Variants in PTPRQ observed in about 807,000 individuals in gnomAD.
PTPRQ encodes phosphatidylinositol phosphatase PTPRQ.
PTPRQ carries 199 observed loss-of-function variants against 246.0 expected under a neutral mutation model. The observed-to-expected ratio is 0.81, with a 90% CI of 0.72 to 0.91. The LOEUF (loss-of-function observed/expected upper bound fraction) is 0.91. Among genes scored for constraint, PTPRQ ranks in the 40% least tolerant of loss-of-function variants. PTPRQ has a pLI of 0.00. For synonymous variants in PTPRQ, 869 were observed against 853.2 expected, an observed-to-expected ratio of 1.02 and a Z score of -0.32; for missense variants, 2,624 against 2,528.4, an observed-to-expected ratio of 1.04 and a Z score of -0.81.
intron 26 of PTPRQ, among the ~76,000 whole-genome samples, chr12:80,599,543 C>A (rs1270487729): frequency 6.6e-6 from 1 of 151,832 alleles, no homozygotes; most frequent in Non-Finnish European, 1.5e-5. Context: ...AGCTGACATT[C>A]ATAAATGTAA....
At chr12:80,489,448 C>A (rs1894377695) in intron 9 of PTPRQ, among the ~76,000 whole-genome samples, 1 of 151,908 alleles carries the variant, frequency 6.6e-6, no homozygotes, top group Non-Finnish European at 1.5e-5. Flanking sequence ...AAAATGTTAG[C>A]CTTTGCAGTA....
intron 26 of PTPRQ, among the ~76,000 whole-genome samples, chr12:80,597,448 C>A (rs1337890961): frequency 6.6e-6 from 1 of 151,974 alleles, no homozygotes; most frequent in Non-Finnish European, 1.5e-5. Context: ...GAACCCTCTT[C>A]ATAGTTTATC....
chr12:80,508,250 T>C (rs1382232527), intron 16 of PTPRQ, among the ~76,000 whole-genome samples: 1 of 152,048 alleles, frequency 6.6e-6, no homozygotes, highest in East Asian at 1.9e-4. Flanking sequence ...TCTGAGAACA[T>C]TTGCCTCTTT....
chr12:80,460,566 G>A, intron 5 of PTPRQ, 87 bp from the exon 6 acceptor site: 1 of 396,914 alleles, frequency 2.5e-6, no homozygotes, highest in Non-Finnish European at 4.4e-6. Flanking sequence ...TAGCATAAAA[G>A]AAAAAGAAAT....
chr12:80,552,581 C>T (rs781277441), intron 25 of PTPRQ, among the ~76,000 whole-genome samples: 11 of 138,654 alleles, frequency 7.9e-5, no homozygotes, highest in East Asian at 4.3e-4. Flanking sequence ...TAATCCAAAT[C>T]GCAATGTGCA....
At chr12:80,590,551 C>T (rs547558948) in intron 26 of PTPRQ, among the ~76,000 whole-genome samples, 7 of 151,678 alleles carry the variant, frequency 4.6e-5, no homozygotes, top group Admixed American at 3.3e-4. Context: ...GCCTGTAGTC[C>T]CAGCTACTCG....
intron 17 of PTPRQ, chr12:80,512,541 C>T (rs1156862022): frequency 6.6e-6 from 1 of 152,190 alleles, no homozygotes; most frequent in Non-Finnish European, 1.5e-5. Context: ...ATGTACATTA[C>T]ACCACCTCTT....
chr12:80,587,563 A>C (rs1350478199), intron 25 of PTPRQ, among the ~76,000 whole-genome samples: 1 of 152,176 alleles, frequency 6.6e-6, no homozygotes, highest in Non-Finnish European at 1.5e-5. Flanking sequence ...GAAGCAAATA[A>C]ATGACTCCAA....
chr12:80,672,379 T>C (rs1900997033), intron 42 of PTPRQ, among the ~76,000 whole-genome samples: 1 of 151,656 alleles, frequency 6.6e-6, no homozygotes, highest in African/African-American at 2.4e-5. Flanking sequence ...GGTCAAATCA[T>C]AGGAACTTGC....
At chr12:80,552,849 G>T (rs1026464056) in intron 25 of PTPRQ, among the ~76,000 whole-genome samples, 1 of 151,570 alleles carries the variant, frequency 6.6e-6, no homozygotes, top group East Asian at 1.9e-4. Flanking sequence ...CTCAAAGCTT[G>T]AATTCTGCAT....
At chr12:80,549,438 A>T (rs1896402779) in intron 24 of PTPRQ, 27 bp from the exon 25 acceptor site, 3 of 1,521,200 alleles carry the variant, frequency 2.0e-6, no homozygotes, top group Non-Finnish European at 2.7e-6. Flanking sequence ...ATACACTTTA[A>T]CTTTGGGCAT....
chr12:80,613,574 T>C lies in PTPRQ; in HGVS notation c.4919-18T>C, dbSNP rs1898635549. The C allele has an allele frequency of 6.7e-7, 1 of 1,488,466 alleles. No individual in the cohort carries two copies. The highest frequency in any genetic ancestry group is 1.4e-5 in the African/African-American group (1 of 69,522). 92.2% of individuals were successfully genotyped at this position (1,488,466 alleles called of 1,614,324 possible). ...ATACAATATTTTTAAAAATTAATTG[T>C]TAAATATTTTATTTTAGCCCCAAAG... On this transcript the variant is annotated intron_variant, in intron 28 of 44. Transcript: ENST00000644991.
At chr12:80,513,015 G>T (rs1464277075) in intron 17 of PTPRQ, among the ~76,000 whole-genome samples, 1 of 152,144 alleles carries the variant, frequency 6.6e-6, no homozygotes, top group East Asian at 1.9e-4. Flanking sequence ...CCGACCCCAT[G>T]GCAGGGTCTA....
At chr12:80,628,414 G>T (rs145133861) in intron 33 of PTPRQ, among the ~76,000 whole-genome samples, 1 of 151,996 alleles carries the variant, frequency 6.6e-6, no homozygotes, top group Non-Finnish European at 1.5e-5. Flanking sequence ...GCATTAATAC[G>T]TGCCTATTTT....
Position 80,679,081 on chromosome 12 carries a change from A to T in PTPRQ, c.*58A>T. On this transcript the variant is annotated 3_prime_UTR_variant, in exon 45 of 45. Transcript: ENST00000644991. ...TTTTTAAATCCCAGGGGCCAAAGTT[A>T]CCCCCTCATTCTTCCGAATTGAAAT... The T allele has an allele frequency of 6.5e-7, 1 of 1,527,308 alleles. No homozygotes were observed. Among genetic ancestry groups the T allele is most frequent in the South Asian group, 1.3e-5 (1 of 79,166 alleles). The allele number at this position is 1,527,308 out of a possible 1,614,324, so 94.6% of individuals were successfully genotyped here.
chr12:80,630,598 A>T lies in PTPRQ; in HGVS notation c.5687-1594A>T, dbSNP rs373901287. Reference sequence around the variant, plus strand: ...CACTTATAACAAGCGTATAATCTATACAGCGATATTTTGTCATCCTGTAAA... The same window carrying T: ...CACTTATAACAAGCGTATAATCTATTCAGCGATATTTTGTCATCCTGTAAA... On this transcript the variant is annotated intron_variant, in intron 33 of 44. Coordinates refer to ENST00000644991, the MANE Select transcript of PTPRQ (RefSeq NM_001145026.2). Among the ~76,000 whole-genome samples the T allele has an allele frequency of 4.6e-5, 7 of 152,332 alleles. No homozygotes were observed. The East Asian group carries it at 1.4e-3, about 29-fold the overall frequency.
At chr12:80,577,710 G>A (rs565602530) in intron 25 of PTPRQ, among the ~76,000 whole-genome samples, 17 of 152,036 alleles carry the variant, frequency 1.1e-4, no homozygotes, top group Admixed American at 2.6e-4. Context: ...TATATTTGGG[G>A]CCCCAATTGT....
At chr12:80,457,889 A>G (rs1015053859) in intron 4 of PTPRQ, among the ~76,000 whole-genome samples, 1 of 152,066 alleles carries the variant, frequency 6.6e-6, no homozygotes, top group Admixed American at 6.6e-5. Context: ...AAAAATGAAA[A>G]TTATCCATAG....
chr12:80,499,389 T>C (rs905474703), intron 14 of PTPRQ, among the ~76,000 whole-genome samples: 3 of 152,132 alleles, frequency 2.0e-5, no homozygotes, highest in Admixed American at 1.3e-4. Context: ...CTAGATTATG[T>C]TTGCTACTGT....
Sources: gnomAD v4.1 joint callset for allele counts (sites outside exome capture counted in the v4.1 genomes callset) on GRCh38, gnomAD v4.1.1 for gene constraint, MANE v1.5 for transcripts, NCBI Gene and HGNC (gene_info 2026-07-23, HGNC 2026-07-21) for gene names.